ZPBP: variants seen among roughly 807,000 people sequenced by gnomAD.
ZPBP encodes the protein zona pellucida binding protein, also known as zona pellucida-binding protein 1.
ZPBP carries 26 observed loss-of-function variants against 44.8 expected under a neutral mutation model. The observed-to-expected ratio is 0.58, with a 90% CI of 0.43 to 0.81. The LOEUF (loss-of-function observed/expected upper bound fraction) is 0.81, where lower values mean the gene tolerates loss of function less well. Among genes scored for constraint, ZPBP ranks in the 30% least tolerant of loss-of-function variants. The pLI, the probability that ZPBP is intolerant of heterozygous loss-of-function variation, is 0.00. For missense variants in ZPBP, 409 were observed against 434.0 expected (o/e 0.94, Z 0.51); for synonymous variants, 174 against 153.2 (o/e 1.14, Z -1.00).
chr7:50,018,393 A>AATGTT, intron 5 of ZPBP, 77 bp from the exon 6 acceptor site: 3 of 1,156,610 alleles, frequency 2.6e-6, no homozygotes, highest in Non-Finnish European at 3.8e-6. Context: ...TGAAAAATGA[A>AATGTT]AGGATATTCT....
intron 1 of ZPBP, among the ~76,000 whole-genome samples, chr7:50,090,633 A>ATG (rs1213637046): frequency 4.6e-5 from 7 of 151,078 alleles, no homozygotes; most frequent in Non-Finnish European, 1.0e-4. Context: ...GTGTATATAT[A>ATG]TACACACACA....
chr7:49,912,317 C>T, intron 1 of ZPBP: 1 of 943,384 alleles, frequency 1.1e-6, no homozygotes, highest in Non-Finnish European at 1.5e-6. Context: ...GGTACTTTTC[C>T]TTTTCTTGAT....
downstream of ZPBP, among the ~76,000 whole-genome samples, chr7:49,846,464 G>A (rs768410172): frequency 1.1e-4 from 16 of 152,086 alleles, no homozygotes; most frequent in Admixed American, 9.2e-4. Flanking sequence ...TCACTTCCAC[G>A]TCTTTGCATA....
At chr7:50,084,246 C>T (rs986170570) in intron 2 of ZPBP, among the ~76,000 whole-genome samples, 21 of 151,264 alleles carry the variant, frequency 1.4e-4, no homozygotes, top group Admixed American at 2.0e-4. Flanking sequence ...CTGGTGCAGC[C>T]TTTTTGAAGA....
intron 7 of ZPBP, among the ~76,000 whole-genome samples, chr7:49,962,129 A>T (rs1795885188): frequency 6.6e-6 from 1 of 151,950 alleles, no homozygotes; most frequent in Non-Finnish European, 1.5e-5. Flanking sequence ...CAAGAAGAGG[A>T]AAGAACTGCA....
chr7:50,033,907 G>C (rs1799714173), intron 4 of ZPBP, among the ~76,000 whole-genome samples: 1 of 151,932 alleles, frequency 6.6e-6, no homozygotes, highest in Non-Finnish European at 1.5e-5. Flanking sequence ...TGGCTAGTCT[G>C]GTCTCGAACT....
intron 2 of ZPBP, among the ~76,000 whole-genome samples, chr7:49,859,618 C>T (rs1173654471): frequency 1.3e-5 from 2 of 152,200 alleles, no homozygotes; most frequent in Non-Finnish European, 2.9e-5. Flanking sequence ...TTCTGTTACA[C>T]AGGTGTATTT....
At chr7:50,053,212 A>G (rs1171228198) in intron 4 of ZPBP, among the ~76,000 whole-genome samples, 3 of 152,176 alleles carry the variant, frequency 2.0e-5, no homozygotes, top group African/African-American at 4.8e-5. Flanking sequence ...TGTCTGTACT[A>G]TTTCTTGCAA....
In ZPBP at chr7:49,868,684, C is replaced by G. The variant is rs1791012293; in HGVS notation, n.510-18170G>C. Among the ~76,000 whole-genome samples, 3 of 152,216 alleles carry G rather than the reference C, an allele frequency of 2.0e-5. 1 individual carries two copies. In the South Asian group the frequency reaches 6.2e-4, roughly 31 times the overall value. ...CTAGGCTGAAGTGCAATGGCACGATCTTGGCTCACTGCAACCTCTGCCTCC... is the reference window on the plus strand; with the variant it reads ...CTAGGCTGAAGTGCAATGGCACGATGTTGGCTCACTGCAACCTCTGCCTCC... On this transcript the variant is annotated intron_variant and non_coding_transcript_variant, in intron 2 of 2. Coordinates refer to the ZPBP transcript ENST00000465922.
At chr7:49,889,111 T>C (rs1361280070) in intron 2 of ZPBP, among the ~76,000 whole-genome samples, 29 of 152,132 alleles carry the variant, frequency 1.9e-4, no homozygotes, top group Admixed American at 1.9e-3. Context: ...TCATCTTTTG[T>C]TTCTTCTGGG....
chr7:49,905,903 C>T (rs199636165), intron 1 of ZPBP, among the ~76,000 whole-genome samples: 30 of 149,200 alleles, frequency 2.0e-4, no homozygotes, highest in East Asian at 1.4e-3. Flanking sequence ...CACTGCTACA[C>T]TCCCACCAGC....
chr7:49,954,027 G>A (rs560500027), intron 7 of ZPBP, among the ~76,000 whole-genome samples: 6 of 151,900 alleles, frequency 3.9e-5, no homozygotes, highest in East Asian at 3.9e-4. Context: ...AAACAAAGTC[G>A]GAAGATACAT....
intron 7 of ZPBP, among the ~76,000 whole-genome samples, chr7:49,952,378 T>C (rs1004821551): frequency 6.6e-6 from 1 of 151,964 alleles, no homozygotes; most frequent in Non-Finnish European, 1.5e-5. Flanking sequence ...ATGAATGACA[T>C]AAATGAGCAG....
intron 7 of ZPBP, among the ~76,000 whole-genome samples, chr7:49,949,162 A>G (rs764048647): frequency 1.1e-4 from 17 of 152,166 alleles, no homozygotes; most frequent in Non-Finnish European, 1.6e-4. Context: ...GCTGTCTGAA[A>G]TCAAGAAGAG....
At chr7:49,886,956 A>T (rs1791930351) in intron 2 of ZPBP, among the ~76,000 whole-genome samples, 1 of 149,724 alleles carries the variant, frequency 6.7e-6, no homozygotes, top group African/African-American at 2.5e-5. Flanking sequence ...TTTTCTTTTG[A>T]CTTGTCTTGT....
intron 2 of ZPBP, among the ~76,000 whole-genome samples, chr7:49,891,381 T>C (rs1262844187): frequency 2.6e-5 from 4 of 152,162 alleles, no homozygotes; most frequent in Non-Finnish European, 5.9e-5. Context: ...ATTCCATAAT[T>C]ATAATTGGAA....
intron 2 of ZPBP, among the ~76,000 whole-genome samples, chr7:49,879,751 T>A (rs1689245755): frequency 6.7e-6 from 1 of 150,352 alleles, no homozygotes; most frequent in Admixed American, 6.6e-5. Context: ...GTTATTTTTT[T>A]AAATAGGCCC....
At chr7:50,089,919 A>AT (rs1802865232) in intron 1 of ZPBP, among the ~76,000 whole-genome samples, 2 of 152,046 alleles carry the variant, frequency 1.3e-5, no homozygotes, top group Admixed American at 1.3e-4. Flanking sequence ...CTCACCTCTG[A>AT]TTTTTTCTAA....
intron 1 of ZPBP, among the ~76,000 whole-genome samples, chr7:50,090,563 A>C (rs923016507): frequency 5.9e-5 from 9 of 151,610 alleles, no homozygotes; most frequent in African/African-American, 1.9e-4. Flanking sequence ...ATATATGCAT[A>C]TATATGTGTA....
Sources: gnomAD v4.1 joint callset for allele counts (sites outside exome capture counted in the v4.1 genomes callset) on GRCh38, gnomAD v4.1.1 for gene constraint, MANE v1.5 for transcripts, NCBI Gene and HGNC (gene_info 2026-07-23, HGNC 2026-07-21) for gene names.